The following ZKSCAN4 variants were observed in gnomAD, a reference collection of about 807,000 sequenced individuals.
ZKSCAN4 encodes zinc finger protein with KRAB and SCAN domains 4.
In ZKSCAN4, 23 loss-of-function variants were observed where a neutral mutation model predicts 30.8. The observed-to-expected ratio is 0.75, with a 90% CI of 0.54 to 1.06. ZKSCAN4 has a LOEUF of 1.06. ZKSCAN4 is among the 50% of genes least tolerant of loss of function. The pLI, the probability that ZKSCAN4 is intolerant of heterozygous loss-of-function variation, is 0.00. For synonymous variants in ZKSCAN4, 208 were observed against 252.5 expected (o/e 0.82, Z 1.67); for missense variants, 556 against 665.4 (o/e 0.84, Z 1.81).
chr6:28,246,844 G>C, intron 4 of ZKSCAN4, 125 bp downstream of exon 4: 2 of 1,189,390 alleles, frequency 1.7e-6, no homozygotes, highest in Non-Finnish European at 2.3e-6. Flanking sequence ...TCAGTAACAG[G>C]CTTTCAGGAA....
chr6:28,246,937 A>G, intron 4 of ZKSCAN4, 32 bp downstream of exon 4: 1 of 1,585,916 alleles, frequency 6.3e-7, no homozygotes, highest in Non-Finnish European at 8.6e-7. Context: ...AATGCCAAGA[A>G]ATCTTAAGAC....
At position 28,249,444 on chromosome 6, in the gene ZKSCAN4, C is replaced by G. The variant is rs1457962691; in HGVS notation, c.571+243G>C. Among the ~76,000 whole-genome samples, 1 of 152,166 alleles carries G rather than the reference C, an allele frequency of 6.6e-6. No homozygotes were observed. Among genetic ancestry groups the G allele is most frequent in the African/African-American group, 2.4e-5 (1 of 41,436 alleles). On this transcript the variant is annotated intron_variant, in intron 2 of 4. Coordinates refer to ENST00000377294, the MANE Select transcript of ZKSCAN4 (RefSeq NM_019110.5). The surrounding 1 kb of genome is among the most constrained non-coding windows in gnomAD (Gnocchi z 4.1). ...CTAAATATATCTAATGAATGGAGAT[C>G]ACCATGTTGTTTAAAAAACCGATTC...
At chr6:28,246,176 T>C (rs1230168578) in intron 4 of ZKSCAN4, 1 of 674,654 alleles carries the variant, frequency 1.5e-6, no homozygotes, top group Non-Finnish European at 2.4e-6. Flanking sequence ...AATGGGGCCA[T>C]TGGAAGGGTA....
Position 28,249,939 on chromosome 6 carries a change from C to T in ZKSCAN4, c.424-105G>A, listed in dbSNP as rs1760916613. On this transcript the variant is annotated intron_variant, in intron 1 of 4. Coordinates refer to ENST00000377294, the MANE Select transcript of ZKSCAN4 (RefSeq NM_019110.5). This position sits in a 1 kb window ranked among gnomAD's most constrained non-coding sequence, Gnocchi z 4.1. ...GTTTCTACAAGCCTTATGATATTAA[C>T]ACAATTAATATAGATAACAACCCTG... 4 of 1,280,866 alleles carry T rather than the reference C, an allele frequency of 3.1e-6. No individual in the cohort carries two copies. The Admixed American group carries it at 6.4e-5, about 20-fold the overall frequency. 79.3% of individuals were successfully genotyped at this position (1,280,866 alleles called of 1,614,324 possible). A position where few individuals can be genotyped will look rare whatever the true frequency, so the allele number is the denominator to read the frequency against.
At chr6:28,253,211 A>C (rs1761081407), upstream of ZKSCAN4, among the ~76,000 whole-genome samples, 2 of 152,216 alleles carry the variant, frequency 1.3e-5, no homozygotes, top group Admixed American at 1.3e-4. This position sits in a 1 kb window ranked among gnomAD's most constrained non-coding sequence, Gnocchi z 4.2. Context: ...ACTCGATTTT[A>C]AGCCATAATT....
Position 28,242,671 on chromosome 6 carries a change from C to T in ZKSCAN4, c.*2445G>A, listed in dbSNP as rs1369088929. Among the ~76,000 whole-genome samples the T allele has an allele frequency of 6.6e-6, 1 of 152,150 alleles. No individual in the cohort carries two copies. Among genetic ancestry groups the T allele is most frequent in the African/African-American group, 2.4e-5 (1 of 41,416 alleles). ...TTTCTACAAGCCTCAGTTTACCACT[C>T]ATAAGGCATTTATCATTACACTGCC... On this transcript the variant is annotated 3_prime_UTR_variant, in exon 5 of 5. Coordinates refer to ENST00000377294, the MANE Select transcript of ZKSCAN4 (RefSeq NM_019110.5).
chr6:28,258,324 A>G, the ZKSCAN4 span, among the ~76,000 whole-genome samples: 1 of 152,198 alleles, frequency 6.6e-6, no homozygotes, highest in Non-Finnish European at 1.5e-5. Context: ...AACGTTTATC[A>G]TTTCTGAGAG....
chr6:28,248,603 T>C (rs1469443257), intron 2 of ZKSCAN4, among the ~76,000 whole-genome samples: 3 of 151,876 alleles, frequency 2.0e-5, no homozygotes, highest in Non-Finnish European at 2.9e-5. Flanking sequence ...CTGAGACAGG[T>C]GGGTTGCCTG....
the ZKSCAN4 span, among the ~76,000 whole-genome samples, chr6:28,257,943 TTTC>T: frequency 1.3e-5 from 2 of 152,148 alleles, no homozygotes; most frequent in African/African-American, 4.8e-5. Context: ...AAAAGAAAAT[TTTC>T]TTTACTTACA....
At chr6:28,248,285 C>T in intron 2 of ZKSCAN4, 136 bp from the exon 3 acceptor site, 1 of 623,732 alleles carries the variant, frequency 1.6e-6, no homozygotes, top group Non-Finnish European at 2.8e-6. Flanking sequence ...TCAAAAATGC[C>T]TGATTCCCAC....
upstream of ZKSCAN4, among the ~76,000 whole-genome samples, chr6:28,255,752 G>C (rs1373069217): frequency 6.6e-6 from 1 of 151,804 alleles, no homozygotes; most frequent in Admixed American, 6.6e-5. Context: ...TTGACTTTAG[G>C]GGCTTATATG....
At chr6:28,255,593 T>C (rs1181311151), upstream of ZKSCAN4, among the ~76,000 whole-genome samples, 2 of 152,224 alleles carry the variant, frequency 1.3e-5, no homozygotes, top group African/African-American at 4.8e-5. Flanking sequence ...AGTTAAAGAA[T>C]ATGGTAAAAT....
intron 4 of ZKSCAN4, among the ~76,000 whole-genome samples, chr6:28,246,661 G>T (rs902087352): frequency 6.6e-6 from 1 of 151,408 alleles, no homozygotes; most frequent in African/African-American, 2.4e-5. Flanking sequence ...CCCCCTCCCC[G>T]CAGCTTTCCT....
intron 4 of ZKSCAN4, 104 bp from the exon 5 acceptor site, chr6:28,246,079 C>A: frequency 1.4e-6 from 2 of 1,464,632 alleles, no homozygotes; most frequent in Non-Finnish European, 1.9e-6. Flanking sequence ...CTATATATGC[C>A]CAGGATGAGG....
Position 28,251,910 on chromosome 6 carries a change from G to A in ZKSCAN4, c.71C>T (p.Thr24Ile), listed in dbSNP as rs765298808. 1 of 1,532,696 alleles carries A rather than the reference G, an allele frequency of 6.5e-7. No individual in the cohort carries two copies. The highest frequency in any genetic ancestry group is 8.7e-7 in the Non-Finnish European group (1 of 1,145,742). The allele number at this position is 1,532,696 out of a possible 1,614,324, so 94.9% of individuals were successfully genotyped here. A position where few individuals can be genotyped will look rare whatever the true frequency, so the allele number is the denominator to read the frequency against. ...GGCTTCCTCCTTCTCCACCTTCACGGTCAGGAGCCCCGTCTGGTCTTCTGC... is the reference window on the plus strand; with the variant it reads ...GGCTTCCTCCTTCTCCACCTTCACGATCAGGAGCCCCGTCTGGTCTTCTGC... ...QSAEDQTGLL[T>I]VKVEKEEASA... Residue 24 changes from threonine to isoleucine, a missense_variant, in exon 1 of 5, where the codon ACC becomes ATC. By Grantham distance (89) the Thr-to-Ile change is moderately conservative. Coordinates refer to ENST00000377294, the MANE Select transcript of ZKSCAN4 (RefSeq NM_019110.5). The surrounding 1 kb of genome is among the most constrained non-coding windows in gnomAD (Gnocchi z 4.5).
Position 28,245,006 on chromosome 6 carries a change from G to A in ZKSCAN4, c.*110C>T. On this transcript the variant is annotated 3_prime_UTR_variant, in exon 5 of 5. Transcript: ENST00000377294. ...ACTACATTTTCTAATACCCGATGAT[G>A]TATAGTGGTAAATAAAGCCCTGGTC... 7 of 1,300,740 alleles carry A rather than the reference G, an allele frequency of 5.4e-6. No individual in the cohort carries two copies. Among genetic ancestry groups the A allele is most frequent in the South Asian group, 1.2e-5 (1 of 83,946 alleles). 80.6% of individuals were successfully genotyped at this position (1,300,740 alleles called of 1,614,324 possible). A position where few individuals can be genotyped will look rare whatever the true frequency, so the allele number is the denominator to read the frequency against.
In ZKSCAN4 at chr6:28,247,048, C is replaced by A; in HGVS notation, c.699G>T (p.Gly233=). ...CCTGAGATGAATCCAGCTGTGTCCA[C>A]CCAGGAGTGAGGGTCAGGGCCACAT... The part of the protein sequence containing the change: ...MEDVALTLTP[G]WTQLDSSQVN... Residue 233 remains glycine (G), a synonymous_variant, in exon 4 of 5, where the codon GGG becomes GGT. Transcript: ENST00000377294. The A allele has an allele frequency of 6.2e-7, 1 of 1,612,810 alleles. No individual in the cohort carries two copies. Among genetic ancestry groups the A allele is most frequent in the South Asian group, 1.1e-5 (1 of 90,690 alleles).
At chr6:28,257,384 T>C in the ZKSCAN4 span, among the ~76,000 whole-genome samples, 22 of 152,018 alleles carry the variant, frequency 1.4e-4, no homozygotes, top group African/African-American at 5.3e-4. Context: ...CACAAGGGCC[T>C]GTGGGGGGTG....
In ZKSCAN4 at chr6:28,251,786, C is replaced by CG. The variant is rs749227315; in HGVS notation, c.194dup (p.Arg68ProfsTer18). 4 of 1,613,984 alleles carry CG rather than the reference C, an allele frequency of 2.5e-6. No individual in the cohort carries two copies. Among genetic ancestry groups the CG allele is most frequent in the Non-Finnish European group, 3.4e-6 (4 of 1,179,890 alleles). The stretch of plus-strand genomic sequence containing the variant: ...GCCGGCTCAACGCCTCGCGGGGGCC[C>CG]GCAGCCTCCGGGTAGCGGAAGCCTC... On this transcript the variant is annotated frameshift_variant, in exon 1 of 5. Coordinates refer to ENST00000377294, the MANE Select transcript of ZKSCAN4 (RefSeq NM_019110.5). LOFTEE classifies it high-confidence loss of function. The surrounding 1 kb of genome is among the most constrained non-coding windows in gnomAD (Gnocchi z 4.5).
Sources: allele counts gnomAD v4.1 joint callset (sites outside exome capture counted in the v4.1 genomes callset), GRCh38; gene constraint gnomAD v4.1.1; non-coding constraint Gnocchi (gnomAD v3.1); transcripts MANE v1.5; gene names NCBI Gene and HGNC (gene_info 2026-07-23, HGNC 2026-07-21).